CLIP4: variants seen among roughly 807,000 people sequenced by gnomAD.
CLIP4 encodes the protein CAP-Gly domain-containing linker protein 4.
CLIP4 carries 47 observed loss-of-function variants against 73.1 expected under a neutral mutation model. The ratio of observed to expected loss-of-function variants is 0.64; its 90% CI spans 0.51 to 0.82. CLIP4 has a LOEUF of 0.82. Ranked by LOEUF, CLIP4 falls within the 40% of genes least tolerant of loss-of-function variation. The pLI, the probability that CLIP4 is intolerant of heterozygous loss-of-function variation, is 0.00. For synonymous variants in CLIP4, 306 were observed against 295.4 expected (o/e 1.04, Z -0.37); for missense variants, 874 against 852.9 (o/e 1.02, Z -0.31).
chr2:29,179,664 T>TA (rs534592690), intron 15 of CLIP4, among the ~76,000 whole-genome samples: 67 of 152,350 alleles, frequency 4.4e-4, no homozygotes, highest in African/African-American at 1.3e-3. Context: ...AAATGATAGC[T>TA]ATTGTCATCA....
At chr2:29,098,688 C>T (rs896459425) in intron 1 of CLIP4, among the ~76,000 whole-genome samples, 3 of 152,158 alleles carry the variant, frequency 2.0e-5, no homozygotes, top group Non-Finnish European at 2.9e-5. Flanking sequence ...TATCGGTTCT[C>T]GTGTGGACAT....
intron 1 of CLIP4, among the ~76,000 whole-genome samples, chr2:29,109,779 G>A (rs1668336927): frequency 1.3e-5 from 2 of 152,018 alleles, no homozygotes; most frequent in Admixed American, 1.3e-4. Flanking sequence ...ATAGAATAGG[G>A]CCGGCATGAC....
intron 1 of CLIP4, among the ~76,000 whole-genome samples, chr2:29,109,269 G>A (rs1364888003): frequency 2.6e-5 from 4 of 152,104 alleles, no homozygotes; most frequent in East Asian, 1.9e-4. Flanking sequence ...GCTGGTACCC[G>A]AAACTTAGCT....
chr2:29,156,382 T>C lies in CLIP4; in HGVS notation c.1194T>C (p.Ala398=). Residue 398 remains alanine (A), a synonymous_variant, in exon 10 of 16, where the codon GCT becomes GCC. Coordinates refer to ENST00000320081, the MANE Select transcript of CLIP4 (RefSeq NM_024692.6). ...TAATGACATCAAAAAAAGATAGTGC[T>C]TCTGAGTCAACACTTTCATTGCCTC... ...TGLMTSKKDS[A]SESTLSLPPG... The C allele has an allele frequency of 6.3e-7, 1 of 1,584,998 alleles. No homozygotes were observed. Among genetic ancestry groups the C allele is most frequent in the Non-Finnish European group, 8.5e-7 (1 of 1,172,996 alleles).
Position 29,133,816 on chromosome 2 carries a change from G to C in CLIP4, c.529G>C (p.Asp177His). The C allele has an allele frequency of 6.3e-7, 1 of 1,599,814 alleles. No homozygotes were observed. Among genetic ancestry groups the C allele is most frequent in the South Asian group, 1.1e-5 (1 of 88,036 alleles). Reference sequence around the variant, plus strand: ...GATTTTGAAAACATCGAAACCAAAAGGCAAGTATTATAAGATCACCTTTAG... The same window carrying C: ...GATTTTGAAAACATCGAAACCAAAACGCAAGTATTATAAGATCACCTTTAG... ...RVILKTSKPK[D>H]VDATCSDFNF... Residue 177 changes from aspartate (D) to histidine (H), a missense_variant and splice_region_variant, in exon 5 of 16, where the codon GAT (aspartate) becomes CAT (histidine). Asp to His is a moderately conservative substitution (Grantham distance 81, BLOSUM62 -1). Coordinates refer to ENST00000320081, the MANE Select transcript of CLIP4 (RefSeq NM_024692.6).
chr2:29,152,005 G>A (rs1307206434), intron 8 of CLIP4, among the ~76,000 whole-genome samples: 1 of 152,062 alleles, frequency 6.6e-6, no homozygotes, highest in Non-Finnish European at 1.5e-5. Flanking sequence ...CAGGACCTGA[G>A]GGCCAGGCCT....
intron 14 of CLIP4, among the ~76,000 whole-genome samples, chr2:29,170,912 A>G (rs1028408676): frequency 2.0e-5 from 3 of 151,822 alleles, no homozygotes; most frequent in African/African-American, 7.3e-5. Flanking sequence ...TGACTAATTT[A>G]TATTGGGCTA....
intron 14 of CLIP4, among the ~76,000 whole-genome samples, chr2:29,170,945 T>G (rs777468572): frequency 2.0e-5 from 3 of 152,206 alleles, no homozygotes; most frequent in Non-Finnish European, 2.9e-5. Context: ...CCGTTCTGTT[T>G]CATTGATCTA....
In CLIP4 at chr2:29,119,925, T is replaced by G. The variant is rs536363112; in HGVS notation, c.-15-1449T>G. Among the ~76,000 whole-genome samples, 5 of 152,346 alleles carry G rather than the reference T, an allele frequency of 3.3e-5. No homozygotes were observed. In the South Asian group the frequency reaches 1.0e-3, roughly 32 times the overall value. The stretch of plus-strand genomic sequence containing the variant: ...TGGTATTTTATTCACCTTAATAGAT[T>G]GTAAACTACCTAAGAAGCATGGACC... On this transcript the variant is annotated intron_variant, in intron 1 of 15. Coordinates refer to ENST00000320081, the MANE Select transcript of CLIP4 (RefSeq NM_024692.6).
intron 3 of CLIP4, chr2:29,131,688 A>T (rs891499333): frequency 3.7e-6 from 1 of 271,498 alleles, no homozygotes; most frequent in Non-Finnish European, 6.8e-6. Context: ...TATGCATTTC[A>T]TAAAGGGATT....
intron 13 of CLIP4, among the ~76,000 whole-genome samples, chr2:29,166,706 C>A (rs1667646049): frequency 6.6e-6 from 1 of 152,152 alleles, no homozygotes; most frequent in Non-Finnish European, 1.5e-5. Flanking sequence ...CCATTCTCTT[C>A]ATAAAATCAT....
chr2:29,143,874 G>A lies in CLIP4; in HGVS notation c.814G>A (p.Val272Ile). ...SKAMLPNYDH[V>I]TGKAMLTSLG... ...GGCCATGCTCCCAAATTATGATCAT[G>A]TCACTGGCAAGGCAATGCTTACGTC... is the stretch of plus-strand genomic sequence containing the variant. Residue 272 changes from valine to isoleucine, a missense_variant, in exon 7 of 16, where the codon GTC (valine) becomes ATC (isoleucine). Physicochemically the swap from Val to Ile is conservative, Grantham distance 29 (BLOSUM62 3). Coordinates refer to ENST00000320081, the MANE Select transcript of CLIP4 (RefSeq NM_024692.6). The A allele has an allele frequency of 6.2e-7, 1 of 1,614,154 alleles. No individual in the cohort carries two copies. The highest frequency in any genetic ancestry group is 1.3e-5 in the African/African-American group (1 of 75,038).
intron 6 of CLIP4, among the ~76,000 whole-genome samples, chr2:29,141,559 C>CT (rs1278262400): frequency 1.3e-5 from 2 of 152,174 alleles, no homozygotes; most frequent in Non-Finnish European, 2.9e-5. Context: ...GAATTGAACA[C>CT]TTTATCATTA....
intron 7 of CLIP4, 93 bp downstream of exon 7, chr2:29,144,038 A>T: frequency 1.0e-6 from 1 of 974,462 alleles, no homozygotes; most frequent in South Asian, 1.5e-5. Flanking sequence ...TGAGTTTTTG[A>T]AAAAGGTTCA....
intron 15 of CLIP4, 23 bp from the exon 16 acceptor site, chr2:29,181,549 T>G: frequency 6.5e-7 from 1 of 1,531,098 alleles, no homozygotes; most frequent in South Asian, 1.3e-5. Context: ...AAATAATTTT[T>G]CCCACTTTTC....
chr2:29,175,803 C>A (rs1668294272), intron 15 of CLIP4, among the ~76,000 whole-genome samples: 1 of 151,924 alleles, frequency 6.6e-6, no homozygotes, highest in African/African-American at 2.4e-5. Context: ...GCTCTGTCAC[C>A]CAGGCTGGAG....
At chr2:29,180,926 A>G (rs1668610419) in intron 15 of CLIP4, among the ~76,000 whole-genome samples, 1 of 152,148 alleles carries the variant, frequency 6.6e-6, no homozygotes, top group South Asian at 2.1e-4. Context: ...GTCTTAAAAT[A>G]GCGCAAAAGA....
At chr2:29,131,726 T>A (rs1221426919) in intron 3 of CLIP4, 1 of 241,412 alleles carries the variant, frequency 4.1e-6, no homozygotes, top group Non-Finnish European at 7.8e-6. Flanking sequence ...TATTTACACT[T>A]TTGGTTGGTT....
chr2:29,132,952 C>T (rs1665081514), intron 4 of CLIP4, among the ~76,000 whole-genome samples: 1 of 152,164 alleles, frequency 6.6e-6, no homozygotes, highest in African/African-American at 2.4e-5. Flanking sequence ...CTTTGGGAGG[C>T]CCAGGCAGGA....
Sources: allele counts gnomAD v4.1 joint callset (sites outside exome capture counted in the v4.1 genomes callset), GRCh38; gene constraint gnomAD v4.1.1; transcripts MANE v1.5; gene names NCBI Gene and HGNC (gene_info 2026-07-23, HGNC 2026-07-21).